SYCP1: variants seen among roughly 807,000 people sequenced by gnomAD.
SYCP1 encodes the protein synaptonemal complex protein 1, also known as cancer/testis antigen 8.
Under a neutral mutation model 153.1 loss-of-function variants are expected in SYCP1, and 64 were observed. The ratio of observed to expected loss-of-function variants is 0.42; its 90% CI spans 0.34 to 0.51. SYCP1 has a LOEUF of 0.51. Among genes scored for constraint, SYCP1 ranks in the 20% least tolerant of loss-of-function variants. The probability of loss-of-function intolerance (pLI) is 0.06; values close to 1 mark genes in which losing one functional copy is unlikely to be tolerated. For missense variants in SYCP1, 997 were observed against 1,049.0 expected, an observed-to-expected ratio of 0.95 and a Z score of 0.68; for synonymous variants, 384 against 341.8, an observed-to-expected ratio of 1.12 and a Z score of -1.36.
At chr1:114,948,144 A>G (rs566490573) in intron 27 of SYCP1, among the ~76,000 whole-genome samples, 1 of 152,170 alleles carries the variant, frequency 6.6e-6, no homozygotes, top group African/African-American at 2.4e-5. Context: ...TTTTGAAGCT[A>G]TTCATCATGT....
intron 27 of SYCP1, among the ~76,000 whole-genome samples, chr1:114,972,664 TCATTCTGGAG>T (rs1172095342): frequency 6.6e-6 from 1 of 152,188 alleles, no homozygotes; most frequent in Non-Finnish European, 1.5e-5. Context: ...GACCCACTGG[TCATTCTGGAG>T]CATATTGTTT....
intron 12 of SYCP1, among the ~76,000 whole-genome samples, chr1:114,878,876 A>C (rs1000630365): frequency 6.6e-6 from 1 of 152,146 alleles, no homozygotes; most frequent in Non-Finnish European, 1.5e-5. Context: ...ATCATATGGG[A>C]GCATGATGGA....
At position 114,892,343 on chromosome 1, in the gene SYCP1, C is replaced by T. The variant is rs372923881; in HGVS notation, c.1259-3105C>T. Among the ~76,000 whole-genome samples, 12 of 152,174 alleles carry T rather than the reference C, an allele frequency of 7.9e-5. No homozygotes were observed. The South Asian group carries it at 1.0e-3, about 13-fold the overall frequency. On this transcript the variant is annotated intron_variant, in intron 15 of 31. Transcript: ENST00000369522. Reference sequence around the variant, plus strand: ...CCTTAGAGCATGTGCAAGTGTGCTGCGGCCCTGCTGCCAGGGAGTGTGCGA... The same window carrying T: ...CCTTAGAGCATGTGCAAGTGTGCTGTGGCCCTGCTGCCAGGGAGTGTGCGA...
At position 114,909,693 on chromosome 1, in the gene SYCP1, A is replaced by T. The variant is rs113863273; in HGVS notation, c.1321-704A>T. On this transcript the variant is annotated intron_variant, in intron 16 of 31. Transcript: ENST00000369522. ...AGACATAAAAATCTGACTTCCATAG[A>T]GTAGTGTAAAGAATGAAAATATATT... Among the ~76,000 whole-genome samples the T allele has an allele frequency of 5.6e-3, 853 of 152,244 alleles. 5 individuals are homozygous for T. The highest frequency in any genetic ancestry group is 0.01 in the Non-Finnish European group (693 of 68,000).
intron 15 of SYCP1, among the ~76,000 whole-genome samples, chr1:114,894,591 T>C (rs1248510751): frequency 6.6e-6 from 1 of 152,110 alleles, no homozygotes; most frequent in Non-Finnish European, 1.5e-5. Context: ...GGCTTTATTT[T>C]TTAGGATGGC....
intron 30 of SYCP1, among the ~76,000 whole-genome samples, chr1:114,988,440 A>G (rs1673686368): frequency 6.6e-6 from 1 of 152,004 alleles, no homozygotes; most frequent in Non-Finnish European, 1.5e-5. Flanking sequence ...CATGCAAGTT[A>G]TTCTCAACAA....
chr1:114,894,193 A>C (rs1666912177), intron 15 of SYCP1, among the ~76,000 whole-genome samples: 1 of 152,164 alleles, frequency 6.6e-6, no homozygotes. Flanking sequence ...TTCTAGTTAA[A>C]TAAGCTATGT....
At chr1:114,915,414 A>G (rs1329673534) in intron 20 of SYCP1, among the ~76,000 whole-genome samples, 5 of 152,216 alleles carry the variant, frequency 3.3e-5, no homozygotes, top group African/African-American at 7.2e-5. Flanking sequence ...CTTATTGGGC[A>G]TTCTCTAAAA....
chr1:114,885,174 T>A (rs1666208108), intron 12 of SYCP1, among the ~76,000 whole-genome samples: 1 of 152,168 alleles, frequency 6.6e-6, no homozygotes, highest in African/African-American at 2.4e-5. Flanking sequence ...GTTTTATGAA[T>A]ATCCAAATTA....
chr1:114,872,810 C>T lies in SYCP1; in HGVS notation c.599-1696C>T, dbSNP rs572231964. ...CAGCTGTGTCTAGTCTACTAATAAG[C>T]CCCTCATTTCTTCGTTTTATTTTTT... On this transcript the variant is annotated intron_variant, in intron 8 of 31. Coordinates refer to ENST00000369522, the MANE Select transcript of SYCP1 (RefSeq NM_003176.4). 5.2e-4 allele frequency among the ~76,000 whole-genome samples: 79 copies of T among 152,166 alleles called. 1 individual carries two copies. Among genetic ancestry groups the T allele is most frequent in the African/African-American group, 1.9e-3 (78 of 41,536 alleles).
intron 20 of SYCP1, among the ~76,000 whole-genome samples, chr1:114,920,643 A>T (rs1668805134): frequency 6.6e-6 from 1 of 152,080 alleles, no homozygotes; most frequent in Admixed American, 6.5e-5. Flanking sequence ...TTTGTTTTAT[A>T]TATCTGTGTG....
At chr1:114,889,821 T>A (rs1328752561) in intron 15 of SYCP1, among the ~76,000 whole-genome samples, 2 of 152,200 alleles carry the variant, frequency 1.3e-5, no homozygotes, top group Non-Finnish European at 2.9e-5. Context: ...TCTTCCAGGG[T>A]TTTTATGGTT....
intron 2 of SYCP1, 76 bp from the exon 3 acceptor site, chr1:114,856,497 C>A: frequency 1.1e-6 from 1 of 940,762 alleles, no homozygotes; most frequent in Non-Finnish European, 1.6e-6. Flanking sequence ...ATGTATATTA[C>A]ATATGTATAT....
intron 30 of SYCP1, among the ~76,000 whole-genome samples, chr1:114,989,414 AC>A (rs75464102): frequency 0.38 from 58,101 of 151,384 alleles, 12,295 homozygotes; most frequent in East Asian, 0.49. Flanking sequence ...GGAAAATAAG[AC>A]AGTAATGGAG....
At chr1:114,922,203 C>T (rs1256592500) in intron 20 of SYCP1, among the ~76,000 whole-genome samples, 1 of 152,008 alleles carries the variant, frequency 6.6e-6, no homozygotes, top group East Asian at 1.9e-4. Context: ...GTTATTATCC[C>T]CTTGAATCAA....
At chr1:114,897,676 G>GT (rs1395063040) in intron 16 of SYCP1, among the ~76,000 whole-genome samples, 4 of 152,038 alleles carry the variant, frequency 2.6e-5, no homozygotes, top group Admixed American at 6.6e-5. Flanking sequence ...AAAAAACAAG[G>GT]TTTTTTTCCA....
chr1:114,857,399 G>T (rs1309894777), intron 4 of SYCP1, 45 bp from the exon 5 acceptor site: 2 of 1,543,878 alleles, frequency 1.3e-6, no homozygotes, highest in African/African-American at 1.4e-5. Flanking sequence ...TTATTTAGAA[G>T]CTCTTATCAG....
chr1:114,992,680 C>A (rs1177982470), intron 30 of SYCP1, among the ~76,000 whole-genome samples: 1 of 151,506 alleles, frequency 6.6e-6, no homozygotes, highest in Non-Finnish European at 1.5e-5. Context: ...AACTATAAAA[C>A]TATAGACGAA....
intron 15 of SYCP1, among the ~76,000 whole-genome samples, chr1:114,890,034 T>A (rs1311990923): frequency 6.6e-6 from 1 of 152,146 alleles, no homozygotes; most frequent in Non-Finnish European, 1.5e-5. Flanking sequence ...AATGCAATTG[T>A]ATTATATGAT....
Sources: gnomAD v4.1 joint callset for allele counts (sites outside exome capture counted in the v4.1 genomes callset) on GRCh38, gnomAD v4.1.1 for gene constraint, MANE v1.5 for transcripts, NCBI Gene and HGNC (gene_info 2026-07-23, HGNC 2026-07-21) for gene names.